Variants in PTPRD observed in about 807,000 individuals in gnomAD.
The protein encoded by PTPRD is protein tyrosine phosphatase receptor type D.
Under a neutral mutation model 214.5 loss-of-function variants are expected in PTPRD, and 34 were observed. The ratio of observed to expected loss-of-function variants is 0.16; its 90% CI spans 0.12 to 0.21. The LOEUF is 0.21. Among genes scored for constraint, PTPRD ranks in the 10% least tolerant of loss-of-function variants. The pLI, the probability that PTPRD is intolerant of heterozygous loss-of-function variation, is 1.00. For synonymous variants in PTPRD, 1,128 were observed against 845.7 expected (o/e 1.33, Z -5.79); for missense variants, 2,545 against 2,398.7 (o/e 1.06, Z -1.27).
At chr9:8,531,095 G>A (rs2075574084) in intron 14 of PTPRD, among the ~76,000 whole-genome samples, 1 of 151,966 alleles carries the variant, frequency 6.6e-6, no homozygotes, top group Admixed American at 6.6e-5. Flanking sequence ...GAAAGATGTG[G>A]CTCATTTGTG....
At chr9:8,995,429 C>T (rs550791260) in intron 11 of PTPRD, among the ~76,000 whole-genome samples, 5 of 152,094 alleles carry the variant, frequency 3.3e-5, no homozygotes, top group African/African-American at 1.2e-4. Flanking sequence ...TTGAAACTCG[C>T]TGCTGGGATG....
At chr9:9,128,419 C>G (rs1422704116) in intron 10 of PTPRD, among the ~76,000 whole-genome samples, 1 of 152,120 alleles carries the variant, frequency 6.6e-6, no homozygotes, top group African/African-American at 2.4e-5. Flanking sequence ...GAGTATATGT[C>G]AAAACCTACA....
At chr9:9,088,948 C>T (rs941125086) in intron 10 of PTPRD, among the ~76,000 whole-genome samples, 3 of 152,140 alleles carry the variant, frequency 2.0e-5, no homozygotes, top group Non-Finnish European at 4.4e-5. Context: ...ACACCTAGGA[C>T]TGTGCCAGAA....
chr9:9,134,026 C>G (rs2099846901), intron 10 of PTPRD, among the ~76,000 whole-genome samples: 2 of 150,852 alleles, frequency 1.3e-5, no homozygotes, highest in South Asian at 4.2e-4. Context: ...TCTTTGGCAC[C>G]TGCAGTTTCC....
In PTPRD at chr9:10,511,998, ATATATATATATACGTGTGTG is replaced by A. The variant is rs1566642214; in HGVS notation, c.-600+100380_-600+100399del. On this transcript the variant is annotated intron_variant, in intron 2 of 45. Coordinates refer to ENST00000381196, the MANE Select transcript of PTPRD (RefSeq NM_002839.4). ...TGTGTATATATATATACGTGTGTGTATATATATATATACGTGTGTGTATATATATATGTATATATATATAT... is the reference window on the plus strand; with the variant it reads ...TGTGTATATATATATACGTGTGTGTATATATATATATGTATATATATATAT... Among the ~76,000 whole-genome samples the A allele has an allele frequency of 4.4e-3, 384 of 86,316 alleles. 4 individuals are homozygous for A. Among genetic ancestry groups the A allele is most frequent in the African/African-American group, 0.016 (364 of 22,790 alleles). The allele number at this position is 86,316 out of a possible 152,430, so 56.6% of individuals were successfully genotyped here.
At chr9:8,540,561 TAA>T (rs961973419) in intron 14 of PTPRD, among the ~76,000 whole-genome samples, 12 of 152,322 alleles carry the variant, frequency 7.9e-5, no homozygotes, top group Middle Eastern at 3.4e-3. Flanking sequence ...AGAGAAATGA[TAA>T]AGTCTGATAA....
intron 11 of PTPRD, among the ~76,000 whole-genome samples, chr9:8,892,002 A>G (rs867117592): frequency 1.3e-5 from 2 of 152,052 alleles, no homozygotes; most frequent in African/African-American, 4.8e-5. Context: ...TTTTCTTCTT[A>G]TTCGTTCACA....
At chr9:8,544,134 G>C (rs1341618914) in intron 14 of PTPRD, among the ~76,000 whole-genome samples, 2 of 151,198 alleles carry the variant, frequency 1.3e-5, no homozygotes, top group African/African-American at 4.9e-5. Context: ...ACATGCATTA[G>C]GCTGGTGCAA....
Position 8,449,733 on chromosome 9 carries a change from T to G in PTPRD, c.3980A>C (p.Gln1327Pro). 6.2e-7 allele frequency: 1 copy of G among 1,613,958 alleles called. No individual in the cohort carries two copies. Among genetic ancestry groups the G allele is most frequent in the East Asian group, 2.2e-5 (1 of 44,880 alleles). ...TGTGTGATGCTTCTTACCCGGTGTT[T>G]GAAAGTTAAGGCGCCTCAGTTCTAC... ...DPVELRRLNF[Q>P]TPGMASHPPI... The change falls in exon 34 of 46, where the codon CAA (glutamine) becomes CCA (proline). Residue 1327 changes from glutamine (Q) to proline (P), a missense_variant. Physicochemically the swap from Gln to Pro is moderately conservative, Grantham distance 76. Coordinates refer to ENST00000381196, the MANE Select transcript of PTPRD (RefSeq NM_002839.4).
At chr9:10,309,966 T>C (rs1596701830) in intron 3 of PTPRD, among the ~76,000 whole-genome samples, 1 of 152,070 alleles carries the variant, frequency 6.6e-6, no homozygotes, top group African/African-American at 2.4e-5. Flanking sequence ...TCATAAAACT[T>C]TTAATGAAAT....
chr9:10,087,583 T>C (rs1172601538), intron 3 of PTPRD, among the ~76,000 whole-genome samples: 6 of 151,578 alleles, frequency 4.0e-5, no homozygotes, highest in Non-Finnish European at 5.9e-5. Context: ...GAGACTAATA[T>C]TATAATAACT....
At chr9:9,772,041 G>C (rs1456272125) in intron 5 of PTPRD, among the ~76,000 whole-genome samples, 1 of 152,104 alleles carries the variant, frequency 6.6e-6, no homozygotes, top group Non-Finnish European at 1.5e-5. Context: ...CTGTGTTGAA[G>C]TCCTAACCCC....
intron 2 of PTPRD, among the ~76,000 whole-genome samples, chr9:10,557,523 T>G (rs2062881424): frequency 6.6e-6 from 1 of 152,184 alleles, no homozygotes; most frequent in African/African-American, 2.4e-5. Flanking sequence ...TTCCCATAAC[T>G]TGTTATTCAC....
At chr9:9,301,065 C>G (rs750666240) in intron 9 of PTPRD, among the ~76,000 whole-genome samples, 2 of 151,828 alleles carry the variant, frequency 1.3e-5, no homozygotes, top group East Asian at 2.0e-4. Flanking sequence ...AGCAGGCACT[C>G]AATAAACACA....
At chr9:8,946,036 A>AGAT (rs1467274492) in intron 11 of PTPRD, among the ~76,000 whole-genome samples, 2 of 152,166 alleles carry the variant, frequency 1.3e-5, no homozygotes, top group African/African-American at 4.8e-5. Flanking sequence ...AAAGAGCATG[A>AGAT]GATATTGATT....
At chr9:9,671,745 A>G (rs1331368040) in intron 7 of PTPRD, among the ~76,000 whole-genome samples, 4 of 152,134 alleles carry the variant, frequency 2.6e-5, no homozygotes, top group African/African-American at 9.7e-5. Flanking sequence ...CACCACCGCC[A>G]TGTCAGAAGT....
chr9:9,161,742 T>C (rs991596265), intron 10 of PTPRD, among the ~76,000 whole-genome samples: 6 of 152,100 alleles, frequency 3.9e-5, no homozygotes, highest in African/African-American at 1.4e-4. Flanking sequence ...ATTTAAAATA[T>C]GTTTTAGATA....
At chr9:8,718,806 C>T (rs1352944510) in intron 12 of PTPRD, among the ~76,000 whole-genome samples, 2 of 152,170 alleles carry the variant, frequency 1.3e-5, no homozygotes, top group African/African-American at 2.4e-5. Flanking sequence ...AATTCTGAAC[C>T]TTCTCATTCC....
Position 9,191,572 on chromosome 9 carries a change from T to C in PTPRD, c.-202-8209A>G, listed in dbSNP as rs776088897. Among the ~76,000 whole-genome samples the C allele has an allele frequency of 3.9e-5, 6 of 152,102 alleles. 1 individual carries two copies. The highest frequency in any genetic ancestry group is 4.1e-4 in the South Asian group (2 of 4,824). On this transcript the variant is annotated intron_variant, in intron 9 of 45. Transcript: ENST00000381196. ...AATACATTTTATGAGTATTTCCCTA[T>C]CTAAGTATACTGTCCCAATATGACA...
Sources: allele counts gnomAD v4.1 joint callset (sites outside exome capture counted in the v4.1 genomes callset), GRCh38; gene constraint gnomAD v4.1.1; transcripts MANE v1.5; gene names NCBI Gene and HGNC (gene_info 2026-07-23, HGNC 2026-07-21).